The following ALG14 variants were observed in gnomAD, a reference collection of about 807,000 sequenced individuals.
ALG14 encodes UDP-N-acetylglucosamine transferase subunit ALG14.
A neutral mutation model predicts 22.8 loss-of-function variants in ALG14; 17 were observed. The ratio of observed to expected loss-of-function variants is 0.75; its 90% CI spans 0.51 to 1.12. The LOEUF (loss-of-function observed/expected upper bound fraction) is 1.12, where lower values mean the gene tolerates loss of function less well. ALG14 is among the 50% of genes most tolerant of loss of function. The pLI is 0.00. For missense variants in ALG14, 288 were observed against 271.8 expected, an observed-to-expected ratio of 1.06 and a Z score of -0.42; for synonymous variants, 89 against 103.7, an observed-to-expected ratio of 0.86 and a Z score of 0.86.
At chr1:95,009,478 T>C (rs1673308484) in intron 3 of ALG14, among the ~76,000 whole-genome samples, 1 of 152,108 alleles carries the variant, frequency 6.6e-6, no homozygotes, top group South Asian at 2.1e-4. Context: ...AATTGTGTTG[T>C]GCTGAAATGG....
intron 3 of ALG14, among the ~76,000 whole-genome samples, chr1:94,984,519 C>T (rs1056264189): frequency 2.0e-5 from 3 of 152,324 alleles, no homozygotes; most frequent in Admixed American, 2.0e-4. Context: ...GGAAAAGAGT[C>T]TGTTTTAGAT....
intron 3 of ALG14, among the ~76,000 whole-genome samples, chr1:95,012,205 C>T (rs1673385959): frequency 1.3e-5 from 2 of 152,224 alleles, no homozygotes; most frequent in South Asian, 4.1e-4. Flanking sequence ...ATAAATTACG[C>T]AGTCTCAGAT....
intron 3 of ALG14, among the ~76,000 whole-genome samples, chr1:95,023,481 A>G (rs1450586025): frequency 6.6e-6 from 1 of 152,190 alleles, no homozygotes; most frequent in African/African-American, 2.4e-5. Context: ...GGTATGAAAC[A>G]TGGAAAAAAA....
At chr1:95,048,196 T>C (rs1489486300) in intron 2 of ALG14, among the ~76,000 whole-genome samples, 1 of 152,218 alleles carries the variant, frequency 6.6e-6, no homozygotes, top group Non-Finnish European at 1.5e-5. Context: ...TGGGAAAACA[T>C]AAGCCTACTT....
intron 2 of ALG14, among the ~76,000 whole-genome samples, chr1:95,057,562 G>A (rs370931687): frequency 3.3e-5 from 5 of 150,722 alleles, no homozygotes; most frequent in Non-Finnish European, 7.4e-5. Flanking sequence ...GTGCAAGGTC[G>A]TGAAAATACA....
intron 3 of ALG14, among the ~76,000 whole-genome samples, chr1:95,000,837 CAGAAAGAGAAGA>C (rs1571590518): frequency 1.4e-5 from 2 of 145,312 alleles, no homozygotes; most frequent in Non-Finnish European, 1.5e-5. Context: ...ATTGAAGGTT[CAGAAAGAGAAGA>C]AGAAGAGAGG....
chr1:95,012,899 G>A (rs1259820593), intron 3 of ALG14, among the ~76,000 whole-genome samples: 1 of 152,068 alleles, frequency 6.6e-6, no homozygotes, highest in Non-Finnish European at 1.5e-5. Context: ...TTGGGAGGCC[G>A]ATGAGGGCGA....
In ALG14 at chr1:94,977,453, A is replaced by G. The variant is rs1361271648; in HGVS notation, c.*5623T>C. ...AGGTCAAAACTATTTTCATAGTAAT[A>G]TTAAGATGTTATTTGCCTTTTCCTT... On this transcript the variant is annotated 3_prime_UTR_variant, in exon 4 of 4. Transcript: ENST00000370205. The G allele has an allele frequency of 6.6e-6, 1 of 152,210 alleles. No individual in the cohort carries two copies. The highest frequency in any genetic ancestry group is 1.9e-4 in the East Asian group (1 of 5,198). The allele number at this position is 152,210 out of a possible 1,614,324, so 9.4% of individuals were successfully genotyped here.
At chr1:95,043,469 A>G (rs556366116) in intron 2 of ALG14, among the ~76,000 whole-genome samples, 100 of 152,276 alleles carry the variant, frequency 6.6e-4, no homozygotes, top group Non-Finnish European at 1.4e-3. Context: ...AGTGACGAGG[A>G]TGAGAAGCCC....
chr1:95,009,845 C>A (rs1027883571), intron 3 of ALG14, among the ~76,000 whole-genome samples: 2 of 152,030 alleles, frequency 1.3e-5, no homozygotes, highest in Non-Finnish European at 2.9e-5. Context: ...GATAACTGTA[C>A]CTATGATTAT....
chr1:94,995,973 G>A (rs571046629), intron 3 of ALG14, among the ~76,000 whole-genome samples: 1 of 152,326 alleles, frequency 6.6e-6, no homozygotes, highest in South Asian at 2.1e-4. Flanking sequence ...AAGTTTAGCT[G>A]CGTTACATTA....
At position 95,032,099 on chromosome 1, in the gene ALG14, G is replaced by C. The variant is rs562749760; in HGVS notation, c.289-4839C>G. 1.8e-4 allele frequency among the ~76,000 whole-genome samples: 28 copies of C among 152,182 alleles called. No homozygotes were observed. The South Asian group carries it at 4.6e-3, about 25-fold the overall frequency. On this transcript the variant is annotated intron_variant, in intron 2 of 3. Coordinates refer to ENST00000370205, the MANE Select transcript of ALG14 (RefSeq NM_144988.4). ...GCTGGGATTACAGGCGTGATCCACTGCGCCTGGCCCTGGGCCAGGAACTTT... is the reference window on the plus strand; with the variant it reads ...GCTGGGATTACAGGCGTGATCCACTCCGCCTGGCCCTGGGCCAGGAACTTT...
intron 3 of ALG14, among the ~76,000 whole-genome samples, chr1:95,005,445 A>G (rs189914899): frequency 6.8e-6 from 1 of 146,822 alleles, no homozygotes; most frequent in East Asian, 1.9e-4. Context: ...ACAGGCAGTG[A>G]GAGAGAAGAA....
At chr1:94,996,824 G>A (rs189022392) in intron 3 of ALG14, among the ~76,000 whole-genome samples, 45 of 152,160 alleles carry the variant, frequency 3.0e-4, no homozygotes, top group African/African-American at 1.0e-3. Flanking sequence ...TGGGATTACA[G>A]GTGCCCACCA....
intron 2 of ALG14, among the ~76,000 whole-genome samples, chr1:95,051,661 C>T (rs573100662): frequency 7.9e-5 from 12 of 152,304 alleles, no homozygotes; most frequent in Non-Finnish European, 1.3e-4. Flanking sequence ...AGATCCTACT[C>T]GCCTGCTTCC....
intron 3 of ALG14, among the ~76,000 whole-genome samples, chr1:94,993,893 A>G (rs1672842279): frequency 6.6e-6 from 1 of 152,142 alleles, no homozygotes; most frequent in Non-Finnish European, 1.5e-5. Flanking sequence ...TACAGACCCA[A>G]CGTGCTACAC....
At chr1:94,995,982 T>C (rs115357498) in intron 3 of ALG14, among the ~76,000 whole-genome samples, 3 of 152,316 alleles carry the variant, frequency 2.0e-5, no homozygotes, top group Non-Finnish European at 4.4e-5. Context: ...TGCGTTACAT[T>C]AAGACTGCTT....
intron 2 of ALG14, 56 bp downstream of exon 2, chr1:95,064,810 C>T: frequency 6.5e-7 from 1 of 1,541,672 alleles, no homozygotes; most frequent in Non-Finnish European, 8.8e-7. Flanking sequence ...TTACTAGAGA[C>T]AATTAAACTC....
At chr1:95,016,243 A>G (rs542856007) in intron 3 of ALG14, among the ~76,000 whole-genome samples, 1 of 152,042 alleles carries the variant, frequency 6.6e-6, no homozygotes, top group East Asian at 1.9e-4. Flanking sequence ...AGAGAGCTGA[A>G]CCTGGAGCTG....
Sources: allele counts gnomAD v4.1 joint callset (sites outside exome capture counted in the v4.1 genomes callset), GRCh38; gene constraint gnomAD v4.1.1; transcripts MANE v1.5; gene names NCBI Gene and HGNC (gene_info 2026-07-23, HGNC 2026-07-21).